Variants in BACH2 observed in about 807,000 individuals in gnomAD.
BACH2 encodes the protein transcription regulator protein BACH2.
A neutral mutation model predicts 61.8 loss-of-function variants in BACH2; 5 were observed. The observed-to-expected ratio is 0.08, with a 90% confidence interval of 0.04 to 0.17. The LOEUF (loss-of-function observed/expected upper bound fraction) is 0.17. BACH2 is among the 10% of genes least tolerant of loss of function. The pLI, the probability that BACH2 is intolerant of heterozygous loss-of-function variation, is 1.00. For synonymous variants in BACH2, 446 were observed against 440.1 expected, an observed-to-expected ratio of 1.01 and a Z score of -0.17; for missense variants, 824 against 1,091.1, an observed-to-expected ratio of 0.76 and a Z score of 3.45.
intron 4 of BACH2, among the ~76,000 whole-genome samples, chr6:90,143,342 C>A (rs143699342): frequency 6.6e-6 from 1 of 152,262 alleles, no homozygotes; most frequent in East Asian, 1.9e-4. Context: ...TCTCTAGAAC[C>A]TGCCTGCCTG....
At chr6:90,255,460 G>A (rs934577730) in intron 2 of BACH2, among the ~76,000 whole-genome samples, 1 of 152,164 alleles carries the variant, frequency 6.6e-6, no homozygotes, top group African/African-American at 2.4e-5. Flanking sequence ...AGAGTGTCAG[G>A]AAGACAGGAG....
intron 4 of BACH2, among the ~76,000 whole-genome samples, chr6:90,105,908 C>T (rs1490292545): frequency 6.6e-6 from 1 of 152,170 alleles, no homozygotes; most frequent in Non-Finnish European, 1.5e-5. Flanking sequence ...ATTACAACTA[C>T]AGATTGCACC....
chr6:90,102,353 C>A (rs1782669531), intron 4 of BACH2, among the ~76,000 whole-genome samples: 1 of 152,094 alleles, frequency 6.6e-6, no homozygotes, highest in Non-Finnish European at 1.5e-5. Flanking sequence ...AGGTTTCCAG[C>A]CTATCCCTAA....
intron 3 of BACH2, among the ~76,000 whole-genome samples, chr6:90,234,988 T>G (rs1770211728): frequency 6.6e-6 from 1 of 152,150 alleles, no homozygotes; most frequent in African/African-American, 2.4e-5. Flanking sequence ...CCCCTCCCCA[T>G]ACCAACTGGG....
chr6:90,296,115 C>T (rs1252049800), intron 1 of BACH2, among the ~76,000 whole-genome samples: 1 of 152,008 alleles, frequency 6.6e-6, no homozygotes, highest in Non-Finnish European at 1.5e-5. Context: ...ACGCGCGCCT[C>T]CTGCAGCCCG....
At chr6:90,241,090 G>T (rs535778176) in intron 3 of BACH2, among the ~76,000 whole-genome samples, 1 of 143,624 alleles carries the variant, frequency 7.0e-6, no homozygotes, top group African/African-American at 2.6e-5. Flanking sequence ...AGCCGAGATC[G>T]CCCCACTGCA....
intron 4 of BACH2, among the ~76,000 whole-genome samples, chr6:90,188,498 T>C (rs1195681685): frequency 1.3e-5 from 2 of 151,510 alleles, no homozygotes; most frequent in Non-Finnish European, 2.9e-5. Flanking sequence ...TTAAAATACA[T>C]ATATAAAAAC....
intron 6 of BACH2, among the ~76,000 whole-genome samples, chr6:90,005,131 T>C (rs1407676479): frequency 6.6e-6 from 1 of 151,960 alleles, no homozygotes; most frequent in Non-Finnish European, 1.5e-5. Context: ...GAATTGGGAT[T>C]TGGGGGTGGA....
chr6:90,033,100 C>T (rs992306405), intron 5 of BACH2, among the ~76,000 whole-genome samples: 47 of 128,998 alleles, frequency 3.6e-4, no homozygotes, highest in Admixed American at 2.8e-3. Flanking sequence ...AGCAAACTAT[C>T]GCAAGGACAA....
intron 4 of BACH2, among the ~76,000 whole-genome samples, chr6:90,121,485 G>GAT (rs1202307329): frequency 6.6e-6 from 1 of 152,070 alleles, no homozygotes; most frequent in Non-Finnish European, 1.5e-5. Context: ...TTAATAAAAA[G>GAT]ATATATATCT....
intron 3 of BACH2, among the ~76,000 whole-genome samples, chr6:90,246,636 A>G (rs1203957549): frequency 6.6e-6 from 1 of 152,222 alleles, no homozygotes; most frequent in African/African-American, 2.4e-5. Context: ...TTCAAGAAAA[A>G]TGAGTACATA....
At chr6:89,934,522 G>A (rs1295389285) in intron 8 of BACH2, among the ~76,000 whole-genome samples, 3 of 152,090 alleles carry the variant, frequency 2.0e-5, no homozygotes, top group Non-Finnish European at 2.9e-5. Context: ...AGCTGGGTGT[G>A]TTGGTGCGTG....
At chr6:90,082,630 G>T (rs1384908152) in intron 5 of BACH2, among the ~76,000 whole-genome samples, 1 of 152,086 alleles carries the variant, frequency 6.6e-6, no homozygotes. Flanking sequence ...TAACAGGTAG[G>T]TTATATTTGG....
chr6:89,978,455 T>C (rs1364665839), intron 6 of BACH2, among the ~76,000 whole-genome samples: 2 of 152,070 alleles, frequency 1.3e-5, no homozygotes, highest in East Asian at 1.9e-4. Flanking sequence ...CTCCCATTCA[T>C]GCATTGTAAT....
At chr6:90,173,712 T>G (rs1767893737) in intron 4 of BACH2, among the ~76,000 whole-genome samples, 1 of 152,166 alleles carries the variant, frequency 6.6e-6, no homozygotes, top group South Asian at 2.1e-4. Flanking sequence ...TGAGGAACTT[T>G]CTGGTGTGAC....
intron 3 of BACH2, among the ~76,000 whole-genome samples, chr6:90,241,779 A>G (rs950477434): frequency 9.9e-5 from 15 of 151,774 alleles, no homozygotes; most frequent in Non-Finnish European, 1.6e-4. Context: ...CTAAAGGTTG[A>G]TGAGATAACA....
intron 5 of BACH2, among the ~76,000 whole-genome samples, chr6:90,010,735 C>T (rs1777661347): frequency 6.6e-6 from 1 of 152,230 alleles, no homozygotes; most frequent in Admixed American, 6.5e-5. Flanking sequence ...AGTTCCTTCA[C>T]ATCCTTGCCA....
chr6:90,270,479 T>C (rs1771483515), intron 2 of BACH2, among the ~76,000 whole-genome samples: 1 of 152,100 alleles, frequency 6.6e-6, no homozygotes, highest in South Asian at 2.1e-4. Context: ...TTACAACAGC[T>C]GCTAAATAAA....
chr6:89,957,706 A>G lies in BACH2; in HGVS notation c.244-5844T>C, dbSNP rs1024932073. ...TCGGCATATACCACTATGCCCAGCT[A>G]ATTTTTGTATTTTTAGTAGAGACGG... On this transcript the variant is annotated intron_variant, in intron 6 of 8. Transcript: ENST00000257749. Among the ~76,000 whole-genome samples, 8 of 151,788 alleles carry G rather than the reference A, an allele frequency of 5.3e-5. No homozygotes were observed. The East Asian group carries it at 1.2e-3, about 22-fold the overall frequency.
Sources: gnomAD v4.1 joint callset for allele counts (sites outside exome capture counted in the v4.1 genomes callset) on GRCh38, gnomAD v4.1.1 for gene constraint, MANE v1.5 for transcripts, NCBI Gene and HGNC (gene_info 2026-07-23, HGNC 2026-07-21) for gene names.